SIVA1: variants seen among roughly 807,000 people sequenced by gnomAD.
SIVA1 encodes the protein SIVA1 apoptosis inducing factor.
A neutral mutation model predicts 19.7 loss-of-function variants in SIVA1; 10 were observed. The observed-to-expected ratio is 0.51, with a 90% CI of 0.31 to 0.86. The LOEUF (loss-of-function observed/expected upper bound fraction) is 0.86. Ranked by LOEUF, SIVA1 falls within the 40% of genes least tolerant of loss-of-function variation. SIVA1 has a pLI of 0.04. For synonymous variants in SIVA1, 130 were observed against 106.1 expected, an observed-to-expected ratio of 1.23 and a Z score of -1.39; for missense variants, 241 against 245.2, an observed-to-expected ratio of 0.98 and a Z score of 0.11.
At position 104,759,380 on chromosome 14, in the gene SIVA1, T is replaced by G. The variant is rs775235597; in HGVS notation, c.471-48T>G. 5.3e-5 allele frequency: 82 copies of G among 1,550,760 alleles called. No individual in the cohort carries two copies. Among genetic ancestry groups the G allele is most frequent in the Non-Finnish European group, 7.1e-5 (80 of 1,129,158 alleles). The stretch of plus-strand genomic sequence containing the variant: ...AATGGTGGGGGGTGGTGGACACAAT[T>G]CAGCCCCTGACAGCAGCTTTTCTCT... On this transcript the variant is annotated intron_variant, in intron 3 of 3. Transcript: ENST00000329967. The surrounding 1 kb of genome is among the most constrained non-coding windows in gnomAD (Gnocchi z 4.2).
chr14:104,757,043 C>A, intron 3 of SIVA1: 1 of 494,892 alleles, frequency 2.0e-6, no homozygotes. Flanking sequence ...TGAGCACCCC[C>A]ACCTCCTCCT....
Position 104,759,545 on chromosome 14 carries a change from G to A in SIVA1, c.*60G>A. ...ACGCCGTGCATGGCAGCCTTCCCTG[G>A]ACGAGCGCTCGGTGTTCACACTGAA... On this transcript the variant is annotated 3_prime_UTR_variant, in exon 4 of 4. Coordinates refer to ENST00000329967, the MANE Select transcript of SIVA1 (RefSeq NM_006427.4). This position sits in a 1 kb window ranked among gnomAD's most constrained non-coding sequence, Gnocchi z 4.2. 1.4e-6 allele frequency: 2 copies of A among 1,449,686 alleles called. No individual in the cohort carries two copies. The highest frequency in any genetic ancestry group is 1.9e-6 in the Non-Finnish European group (2 of 1,043,420). The allele number at this position is 1,449,686 out of a possible 1,614,324, so 89.8% of individuals were successfully genotyped here. A position where few individuals can be genotyped will look rare whatever the true frequency, so the allele number is the denominator to read the frequency against.
In SIVA1 at chr14:104,755,704, G is replaced by C. The variant is rs779611757; in HGVS notation, c.193G>C (p.Val65Leu). Residue 65 changes from valine to leucine, a missense_variant, in exon 2 of 4, where the codon GTT (valine) becomes CTT (leucine). Transcript: ENST00000329967. ...DHVWDEGCAV[V>L]HLPESPKPGP... ...CGTGTGGGATGAAGGCTGTGCCGTC[G>C]TTCACCTGCCAGAGTCCCCAAAGCC... is the stretch of plus-strand genomic sequence containing the variant. 3.7e-6 allele frequency: 6 copies of C among 1,614,052 alleles called. No homozygotes were observed. The South Asian group carries it at 4.4e-5, about 12-fold the overall frequency.
intron 3 of SIVA1, 175 bp downstream of exon 3, chr14:104,756,935 G>A: frequency 1.4e-6 from 1 of 693,604 alleles, no homozygotes; most frequent in Non-Finnish European, 2.4e-6. Context: ...CAACTTTAGT[G>A]GTTAGTAATC....
Position 104,753,439 on chromosome 14 carries a change from T to C in SIVA1, c.118+120T>C, listed in dbSNP as rs972963873. 13 of 676,252 alleles carry C rather than the reference T, an allele frequency of 1.9e-5. No homozygotes were observed. In the Admixed American group the frequency reaches 2.0e-4, roughly 11 times the overall value. The allele number at this position is 676,252 out of a possible 1,614,324, so 41.9% of individuals were successfully genotyped here. On this transcript the variant is annotated intron_variant, in intron 1 of 3. Transcript: ENST00000329967. ...AGGGCCCTGCTTTCTGGCCCCGCGTTCCCGGAAGCTGGGAGGCCGCGGGGA... is the reference window on the plus strand; with the variant it reads ...AGGGCCCTGCTTTCTGGCCCCGCGTCCCCGGAAGCTGGGAGGCCGCGGGGA...
At chr14:104,755,339 G>A (rs1032443877) in intron 1 of SIVA1, among the ~76,000 whole-genome samples, 3 of 152,180 alleles carry the variant, frequency 2.0e-5, no homozygotes, top group Non-Finnish European at 2.9e-5. Flanking sequence ...AAAATGAGCC[G>A]AGTGATAGGA....
chr14:104,757,993 G>A (rs1483617113), intron 3 of SIVA1: 2 of 152,306 alleles, frequency 1.3e-5, no homozygotes, highest in Admixed American at 6.5e-5. Flanking sequence ...CAGCACAGGA[G>A]GTGGGCTCTG....
At position 104,755,774 on chromosome 14, in the gene SIVA1, T is replaced by C; in HGVS notation, c.263T>C (p.Ile88Thr). Reference sequence around the variant, plus strand: ...AGGGCTGCACGTGGGCAGATGCTGATTGGACCAGACGGCCGCCTGATCAGG... The same window carrying C: ...AGGGCTGCACGTGGGCAGATGCTGACTGGACCAGACGGCCGCCTGATCAGG... ...APRAARGQML[I>T]GPDGRLIRSL... The change falls in exon 2 of 4, where the codon ATT (isoleucine) becomes ACT (threonine). Residue 88 changes from isoleucine to threonine, a missense_variant. Physicochemically the swap from Ile to Thr is moderately conservative, Grantham distance 89. Coordinates refer to ENST00000329967, the MANE Select transcript of SIVA1 (RefSeq NM_006427.4). 6.2e-7 allele frequency: 1 copy of C among 1,614,038 alleles called. No individual in the cohort carries two copies. The highest frequency in any genetic ancestry group is 1.1e-5 in the South Asian group (1 of 91,082).
chr14:104,756,182 A>G (rs1398576035), intron 2 of SIVA1: 16 of 442,834 alleles, frequency 3.6e-5, no homozygotes, highest in African/African-American at 1.6e-4. Context: ...TAGAAATGCA[A>G]TCCCCGACTC....
Position 104,756,724 on chromosome 14 carries a change from G to T in SIVA1, c.434G>T (p.Cys145Phe). Residue 145 changes from cysteine to phenylalanine, a missense_variant, in exon 3 of 4, where the codon TGC becomes TTC. By Grantham distance (205) the Cys-to-Phe change is radical. Transcript: ENST00000329967. Reference sequence around the variant, plus strand: ...CAGTGTGTGCGCACCTGCTGGGGCTGCGGCTCCGTGGCCTGTACCCTGTGT... The same window carrying T: ...CAGTGTGTGCGCACCTGCTGGGGCTTCGGCTCCGTGGCCTGTACCCTGTGT... ...CGQCVRTCWG[C>F]GSVACTLCGL... 1 of 1,613,922 alleles carries T rather than the reference G, an allele frequency of 6.2e-7. No individual in the cohort carries two copies. The highest frequency in any genetic ancestry group is 1.1e-5 in the South Asian group (1 of 91,042).
Position 104,753,322 on chromosome 14 carries a change from G to T in SIVA1, c.118+3G>T. The T allele has an allele frequency of 6.3e-7, 1 of 1,589,004 alleles. No homozygotes were observed. The highest frequency in any genetic ancestry group is 8.6e-7 in the Non-Finnish European group (1 of 1,168,184). ...GCGCTACTCGCAGGAGGTCTTCGGT[G>T]AGTGTCGGGCGGGCTGCCGAGGGTC... On this transcript the variant is annotated splice_donor_region_variant and intron_variant, in intron 1 of 3. Transcript: ENST00000329967.
At chr14:104,756,984 C>G (rs1034030846) in intron 3 of SIVA1, 2 of 585,504 alleles carry the variant, frequency 3.4e-6, no homozygotes, top group African/African-American at 3.7e-5. Flanking sequence ...ATGACCTGCT[C>G]TGTATCCGGC....
chr14:104,758,335 CA>C (rs1891968792), intron 3 of SIVA1: 1 of 152,328 alleles, frequency 6.6e-6, no homozygotes, highest in African/African-American at 2.4e-5. Flanking sequence ...GCAAACTCTG[CA>C]AACCAAGTGG....
Position 104,756,190 on chromosome 14 carries a change from C to A in SIVA1, c.313+366C>A, listed in dbSNP as rs372683063. On this transcript the variant is annotated intron_variant, in intron 2 of 3. Coordinates refer to ENST00000329967, the MANE Select transcript of SIVA1 (RefSeq NM_006427.4). ...TGCTGGTTAGAAATGCAATCCCCGA[C>A]TCTACCTCAAGTCTGGTTGGTGTGT... 10 of 443,992 alleles carry A rather than the reference C, an allele frequency of 2.3e-5. No individual in the cohort carries two copies. In the East Asian group the frequency reaches 4.8e-4, roughly 21 times the overall value. The allele number at this position is 443,992 out of a possible 1,614,324, so 27.5% of individuals were successfully genotyped here. A position where few individuals can be genotyped will look rare whatever the true frequency, so the allele number is the denominator to read the frequency against.
Position 104,755,734 on chromosome 14 carries a change from C to A in SIVA1, c.223C>A (p.Pro75Thr). 6.2e-7 allele frequency: 1 copy of A among 1,614,108 alleles called. No homozygotes were observed. Among genetic ancestry groups the A allele is most frequent in the Non-Finnish European group, 8.5e-7 (1 of 1,180,004 alleles). The change falls in exon 2 of 4, where the codon CCT (proline) becomes ACT (threonine). Residue 75 changes from proline to threonine, a missense_variant. Pro to Thr is a conservative substitution (Grantham distance 38). Coordinates refer to ENST00000329967, the MANE Select transcript of SIVA1 (RefSeq NM_006427.4). ...VHLPESPKPG[P>T]TGAPRAARGQ... ...CCTGCCAGAGTCCCCAAAGCCTGGC[C>A]CTACAGGGGCCCCGAGGGCTGCACG... is the stretch of plus-strand genomic sequence containing the variant.
Position 104,759,342 on chromosome 14 carries a change from A to G in SIVA1, c.471-86A>G, listed in dbSNP as rs1892008207. On this transcript the variant is annotated intron_variant, in intron 3 of 3. Coordinates refer to ENST00000329967, the MANE Select transcript of SIVA1 (RefSeq NM_006427.4). The surrounding 1 kb of genome is among the most constrained non-coding windows in gnomAD (Gnocchi z 4.2). ...ATGTCCTGAGGTGTTCTGGGTTAGG[A>G]CTTTGACGTTTGAATGGTGGGGGGT... The G allele has an allele frequency of 1.8e-6, 2 of 1,136,768 alleles. No individual in the cohort carries two copies. The highest frequency in any genetic ancestry group is 1.5e-5 in the African/African-American group (1 of 65,132). 70.4% of individuals were successfully genotyped at this position (1,136,768 alleles called of 1,614,324 possible). A position where few individuals can be genotyped will look rare whatever the true frequency, so the allele number is the denominator to read the frequency against.
intron 3 of SIVA1, chr14:104,758,614 C>T (rs1340292323): frequency 6.6e-6 from 1 of 152,130 alleles, no homozygotes; most frequent in Non-Finnish European, 1.5e-5. Context: ...CTCAGCCTCC[C>T]AAGTAGCTGG....
chr14:104,758,479 C>G (rs1196938184), intron 3 of SIVA1: 1 of 148,094 alleles, frequency 6.8e-6, no homozygotes, highest in Non-Finnish European at 1.5e-5. Flanking sequence ...TAGCCTTTAC[C>G]TTTAGAGCTT....
chr14:104,753,404 G>T (rs532017674), intron 1 of SIVA1, 85 bp downstream of exon 1: 3 of 935,278 alleles, frequency 3.2e-6, no homozygotes, highest in South Asian at 1.7e-5. Context: ...AGGCCTGAGC[G>T]GGGGGCTGGA....
Sources: allele counts gnomAD v4.1 joint callset (sites outside exome capture counted in the v4.1 genomes callset), GRCh38; gene constraint gnomAD v4.1.1; non-coding constraint Gnocchi (gnomAD v3.1); transcripts MANE v1.5; gene names NCBI Gene and HGNC (gene_info 2026-07-23, HGNC 2026-07-21).